Variants in ATP2B2 observed in about 807,000 individuals in gnomAD.
The protein encoded by ATP2B2 is plasma membrane calcium-transporting ATPase 2.
A neutral mutation model predicts 120.0 loss-of-function variants in ATP2B2; 15 were observed. The observed-to-expected ratio is 0.12, with a 90% CI of 0.08 to 0.19. ATP2B2 has a LOEUF of 0.19. ATP2B2 is among the 10% of genes least tolerant of loss of function. ATP2B2 has a pLI of 1.00. For synonymous variants in ATP2B2, 694 were observed against 700.3 expected (o/e 0.99, Z 0.14); for missense variants, 1,045 against 1,719.8 (o/e 0.61, Z 6.94).
In ATP2B2 at chr3:10,588,137, C is replaced by G. The variant is rs534756846; in HGVS notation, c.-415+31780G>C. 1.2e-4 allele frequency among the ~76,000 whole-genome samples: 18 copies of G among 152,322 alleles called. No individual in the cohort carries two copies. In the South Asian group the frequency reaches 3.7e-3, roughly 32 times the overall value. ...TGTTCACCGTATTTCAGGTGCTGTGCTCAGCACTGGGATCTTACTGTGCAG... is the reference window on the plus strand; with the variant it reads ...TGTTCACCGTATTTCAGGTGCTGTGGTCAGCACTGGGATCTTACTGTGCAG... On this transcript the variant is annotated intron_variant, in intron 2 of 21. Coordinates refer to the ATP2B2 transcript ENST00000646379.
chr3:10,349,767 T>C (rs918757257), intron 16 of ATP2B2, among the ~76,000 whole-genome samples: 2 of 152,202 alleles, frequency 1.3e-5, no homozygotes, highest in East Asian at 1.9e-4. Context: ...GTCTGCGTAG[T>C]CTTTCAAATC....
At chr3:10,482,603 G>C (rs2065460258) in intron 1 of ATP2B2, among the ~76,000 whole-genome samples, 3 of 152,206 alleles carry the variant, frequency 2.0e-5, no homozygotes, top group Admixed American at 2.0e-4. Context: ...GCCAGCACAG[G>C]TGGTCTCCCT....
chr3:10,525,399 A>C (rs2067071665), intron 3 of ATP2B2, among the ~76,000 whole-genome samples: 1 of 152,234 alleles, frequency 6.6e-6, no homozygotes, highest in Non-Finnish European at 1.5e-5. Context: ...TTTACAAAAA[A>C]ATTCCTAAAG....
At chr3:10,586,281 C>T (rs1264504634) in intron 2 of ATP2B2, among the ~76,000 whole-genome samples, 3 of 152,152 alleles carry the variant, frequency 2.0e-5, no homozygotes, top group Non-Finnish European at 4.4e-5. Context: ...GAGAAGGATG[C>T]TGGGAGCAGA....
At chr3:10,440,097 ATC>A in intron 2 of ATP2B2, among the ~76,000 whole-genome samples, 1 of 100,844 alleles carries the variant, frequency 9.9e-6, no homozygotes, top group Non-Finnish European at 1.9e-5. Context: ...GTGAGACTCT[ATC>A]TAAAAAAAAA....
At chr3:10,543,568 T>C (rs889876724) in intron 2 of ATP2B2, among the ~76,000 whole-genome samples, 1 of 152,242 alleles carries the variant, frequency 6.6e-6, no homozygotes, top group Admixed American at 6.5e-5. Flanking sequence ...GTTTTTGTTT[T>C]GGAAAATATA....
chr3:10,689,545 C>A (rs1485558003), intron 1 of ATP2B2, among the ~76,000 whole-genome samples: 1 of 152,030 alleles, frequency 6.6e-6, no homozygotes, highest in Non-Finnish European at 1.5e-5. Flanking sequence ...AAAAATAAGA[C>A]CTCCTTGGTC....
intron 2 of ATP2B2, among the ~76,000 whole-genome samples, chr3:10,604,832 G>C (rs1350543726): frequency 2.0e-5 from 3 of 152,098 alleles, no homozygotes; most frequent in Non-Finnish European, 4.4e-5. Context: ...CTTCTACCCA[G>C]CCTACTTTTT....
intron 17 of ATP2B2, 96 bp from the exon 18 acceptor site, chr3:10,345,671 C>T: frequency 2.5e-6 from 3 of 1,223,704 alleles, no homozygotes; most frequent in Middle Eastern, 2.4e-4. Context: ...CTCAGTCCTA[C>T]ACAACTCCCA....
At chr3:10,411,803 C>T (rs1254952645) in intron 2 of ATP2B2, among the ~76,000 whole-genome samples, 1 of 152,198 alleles carries the variant, frequency 6.6e-6, no homozygotes, top group African/African-American at 2.4e-5. Flanking sequence ...GCCTGGTGGA[C>T]ATGCAGCTGA....
chr3:10,509,273 G>A (rs1193635044), upstream of ATP2B2, among the ~76,000 whole-genome samples: 1 of 152,172 alleles, frequency 6.6e-6, no homozygotes, highest in South Asian at 2.1e-4. Flanking sequence ...CTTCTTTCTG[G>A]GAAGCATGGA....
At chr3:10,568,908 C>A (rs1160463084) in intron 2 of ATP2B2, among the ~76,000 whole-genome samples, 1 of 152,210 alleles carries the variant, frequency 6.6e-6, no homozygotes, top group Non-Finnish European at 1.5e-5. Context: ...ACCCTACCAG[C>A]CGACAGTGTC....
rs184848283 is a variant in ATP2B2 at position 10,468,168 on chromosome 3, C to T, written c.-319-18306G>A. ...CCACCCTGCTCCCCTCCTCTCTGCCCAGTGTCCATGTGGGCTGTGGGACAG... is the reference window on the plus strand; with the variant it reads ...CCACCCTGCTCCCCTCCTCTCTGCCTAGTGTCCATGTGGGCTGTGGGACAG... On this transcript the variant is annotated intron_variant, in intron 1 of 22. Transcript: ENST00000360273. Among the ~76,000 whole-genome samples, 21 of 152,344 alleles carry T rather than the reference C, an allele frequency of 1.4e-4. No homozygotes were observed. In the East Asian group the frequency reaches 3.3e-3, roughly 24 times the overall value.
At chr3:10,371,235 G>T (rs749891572) in intron 12 of ATP2B2, among the ~76,000 whole-genome samples, 1 of 152,216 alleles carries the variant, frequency 6.6e-6, no homozygotes, top group Non-Finnish European at 1.5e-5. Context: ...TCTCTCAAAG[G>T]CCTGTTGTCG....
At chr3:10,564,131 G>A (rs575138687) in intron 2 of ATP2B2, among the ~76,000 whole-genome samples, 51 of 152,272 alleles carry the variant, frequency 3.3e-4, no homozygotes, top group African/African-American at 5.1e-4. Context: ...TTAGAATCTC[G>A]ATCTTGTCAG....
In ATP2B2 at chr3:10,542,855, T is replaced by A. The variant is rs545437340; in HGVS notation, c.-414-8722A>T. Among the ~76,000 whole-genome samples the A allele has an allele frequency of 2.6e-5, 4 of 152,358 alleles. No homozygotes were observed. The East Asian group carries it at 7.7e-4, about 29-fold the overall frequency. On this transcript the variant is annotated intron_variant, in intron 2 of 21. Transcript: ENST00000646379. Reference sequence around the variant, plus strand: ...TTTGGAATTTGCTCAGCTTCCTGAATCTGTAGGGTTGGTTTGTGTGTTTTT... The same window carrying A: ...TTTGGAATTTGCTCAGCTTCCTGAAACTGTAGGGTTGGTTTGTGTGTTTTT...
At chr3:10,362,075 G>C (rs1365590986) in intron 12 of ATP2B2, among the ~76,000 whole-genome samples, 1 of 152,218 alleles carries the variant, frequency 6.6e-6, no homozygotes, top group Non-Finnish European at 1.5e-5. Context: ...GGTGGAGCTG[G>C]CTTCAGGGGT....
At chr3:10,698,258 T>A (rs2071768721) in intron 1 of ATP2B2, among the ~76,000 whole-genome samples, 1 of 152,160 alleles carries the variant, frequency 6.6e-6, no homozygotes, top group Admixed American at 6.5e-5. Context: ...CAGAGATACC[T>A]CCTGCCTTTT....
At chr3:10,683,411 G>C (rs2071430519) in intron 1 of ATP2B2, among the ~76,000 whole-genome samples, 2 of 152,020 alleles carry the variant, frequency 1.3e-5, no homozygotes, top group Non-Finnish European at 1.5e-5. Context: ...GGTCAGTGTT[G>C]CTTGGGTTTT....
Sources: gnomAD v4.1 joint callset for allele counts (sites outside exome capture counted in the v4.1 genomes callset) on GRCh38, gnomAD v4.1.1 for gene constraint, MANE v1.5 for transcripts, NCBI Gene and HGNC (gene_info 2026-07-23, HGNC 2026-07-21) for gene names.